The following SERGEF variants were observed in gnomAD, a reference collection of about 807,000 sequenced individuals.
SERGEF encodes the protein secretion regulating guanine nucleotide exchange factor.
SERGEF carries 51 observed loss-of-function variants against 50.0 expected under a neutral mutation model. That is an observed-to-expected ratio of 1.02 (90% CI 0.81 to 1.29). SERGEF has a LOEUF of 1.29. SERGEF is among the 50% of genes most tolerant of loss of function. The probability of loss-of-function intolerance (pLI) is 0.00; values close to 1 mark genes in which losing one functional copy is unlikely to be tolerated. For synonymous variants in SERGEF, 205 were observed against 212.4 expected, an observed-to-expected ratio of 0.97 and a Z score of 0.30; for missense variants, 521 against 557.0, an observed-to-expected ratio of 0.94 and a Z score of 0.65.
At position 18,009,119 on chromosome 11, in the gene SERGEF, G is replaced by A. The variant is rs988520804; in HGVS notation, c.61-1043C>T. Among the ~76,000 whole-genome samples the A allele has an allele frequency of 4.6e-5, 7 of 151,926 alleles. No individual in the cohort carries two copies. The South Asian group carries it at 6.2e-4, about 14-fold the overall frequency. On this transcript the variant is annotated intron_variant, in intron 1 of 10. Transcript: ENST00000265965. ...CTGAAAAGAAAAATAATAATAATTC[G>A]CTCACCAGAAGGACTCTGGAGCATT...
intron 10 of SERGEF, among the ~76,000 whole-genome samples, chr11:17,846,217 T>A (rs1850608800): frequency 6.6e-6 from 1 of 152,194 alleles, no homozygotes; most frequent in Admixed American, 6.5e-5. Context: ...GCATAATGAA[T>A]CACGGTATGT....
chr11:17,937,353 C>A (rs1213800346), intron 9 of SERGEF, among the ~76,000 whole-genome samples: 4 of 151,992 alleles, frequency 2.6e-5, no homozygotes. Flanking sequence ...CCAACATAAC[C>A]AAATTCCATC....
At chr11:18,012,809 G>A (rs1261986089) in intron 1 of SERGEF, 142 bp downstream of exon 1, 4 of 655,926 alleles carry the variant, frequency 6.1e-6, no homozygotes, top group South Asian at 3.1e-5. Context: ...CTCCCCCTCC[G>A]CTCCCAGCCC....
chr11:17,995,100 A>C (rs182896791), intron 6 of SERGEF, among the ~76,000 whole-genome samples: 179 of 152,274 alleles, frequency 1.2e-3, no homozygotes, highest in Admixed American at 0.01. Flanking sequence ...GAGAGAGAGA[A>C]AGAAAGAGAG....
At chr11:17,846,617 T>A in intron 10 of SERGEF, 1 of 444,236 alleles carries the variant, frequency 2.3e-6, no homozygotes, top group South Asian at 1.6e-5. Context: ...GGTCATCCGA[T>A]CATCAGCACT....
Position 18,013,027 on chromosome 11 carries a change from G to C in SERGEF, c.-17C>G. The C allele has an allele frequency of 7.3e-7, 1 of 1,364,986 alleles. No homozygotes were observed. Among genetic ancestry groups the C allele is most frequent in the Non-Finnish European group, 9.3e-7 (1 of 1,069,804 alleles). The allele number at this position is 1,364,986 out of a possible 1,614,324, so 84.6% of individuals were successfully genotyped here. On this transcript the variant is annotated 5_prime_UTR_variant, in exon 1 of 11. Coordinates refer to ENST00000265965, the MANE Select transcript of SERGEF (RefSeq NM_012139.4). The surrounding 1 kb of genome is among the most constrained non-coding windows in gnomAD (Gnocchi z 4.3). ...GCGCTCCATGCGAGGACGCTCCGCCGGCGCTTCCGGGAGGGACGGCACGGG... is the reference window on the plus strand; with the variant it reads ...GCGCTCCATGCGAGGACGCTCCGCCCGCGCTTCCGGGAGGGACGGCACGGG...
chr11:17,985,982 G>A (rs1375811688), intron 8 of SERGEF, among the ~76,000 whole-genome samples: 2 of 152,318 alleles, frequency 1.3e-5, no homozygotes, highest in Admixed American at 1.3e-4. Flanking sequence ...TAGTGTCTGT[G>A]CATAAACTCT....
intron 10 of SERGEF, among the ~76,000 whole-genome samples, chr11:17,840,535 T>C (rs1017358842): frequency 6.6e-5 from 10 of 152,148 alleles, no homozygotes; most frequent in African/African-American, 1.7e-4. Context: ...AAGAGTTGCT[T>C]TCAGGCAACA....
chr11:17,948,094 T>C (rs1397781377), intron 9 of SERGEF, among the ~76,000 whole-genome samples: 1 of 152,034 alleles, frequency 6.6e-6, no homozygotes, highest in Admixed American at 6.6e-5. Flanking sequence ...TCGCCATGCC[T>C]AATGTTTGTG....
At chr11:17,897,116 A>G (rs1434309517) in intron 9 of SERGEF, among the ~76,000 whole-genome samples, 2 of 152,222 alleles carry the variant, frequency 1.3e-5, no homozygotes, top group African/African-American at 4.8e-5. Flanking sequence ...TAGGAGCACA[A>G]GAAGGATGTA....
At chr11:17,921,407 A>G (rs1191609796) in intron 9 of SERGEF, among the ~76,000 whole-genome samples, 2 of 152,234 alleles carry the variant, frequency 1.3e-5, no homozygotes, top group Non-Finnish European at 2.9e-5. Flanking sequence ...GAGACTGCCC[A>G]TGTAAAATAT....
chr11:17,993,482 T>G (rs190135526), intron 6 of SERGEF, among the ~76,000 whole-genome samples: 6 of 152,266 alleles, frequency 3.9e-5, no homozygotes, highest in Admixed American at 1.3e-4. Flanking sequence ...CGCAGGCACT[T>G]AAATAACCCC....
At chr11:17,863,537 T>C (rs1308247473) in intron 10 of SERGEF, 1 of 152,272 alleles carries the variant, frequency 6.6e-6, no homozygotes, top group Non-Finnish European at 1.5e-5. Flanking sequence ...ACTTCTTCCA[T>C]AAGGATTTCC....
chr11:17,824,162 G>A (rs4757592), intron 10 of SERGEF, among the ~76,000 whole-genome samples: 130,679 of 152,006 alleles, frequency 0.86, 56,305 homozygotes, highest in East Asian at 1. Flanking sequence ...TTAGCCGGGC[G>A]TGGTGGCGGG....
chr11:17,972,490 AT>A (rs1219734292), intron 8 of SERGEF, among the ~76,000 whole-genome samples: 1 of 152,216 alleles, frequency 6.6e-6, no homozygotes, highest in Non-Finnish European at 1.5e-5. Flanking sequence ...GAAGATTTGC[AT>A]TTTTTAGCCA....
intron 10 of SERGEF, chr11:17,846,750 C>T (rs1257348967): frequency 4.4e-6 from 2 of 456,092 alleles, no homozygotes; most frequent in Admixed American, 2.3e-5. Context: ...TAATACTTAC[C>T]TTGCAGAGAT....
chr11:17,849,393 C>A (rs1850672904), intron 10 of SERGEF, among the ~76,000 whole-genome samples: 1 of 152,188 alleles, frequency 6.6e-6, no homozygotes, highest in Non-Finnish European at 1.5e-5. Context: ...TTTGCAGCAG[C>A]TCTGGTATTG....
chr11:17,854,884 A>C (rs1850787081), intron 10 of SERGEF: 1 of 152,238 alleles, frequency 6.6e-6, no homozygotes, highest in Non-Finnish European at 1.5e-5. Context: ...TCTGTCAAGC[A>C]TCAGGCACTA....
intron 10 of SERGEF, among the ~76,000 whole-genome samples, chr11:17,799,801 G>A (rs775473178): frequency 3.8e-4 from 58 of 152,324 alleles, no homozygotes; most frequent in Non-Finnish European, 6.3e-4. Context: ...AATAAATATT[G>A]TACCTACTTA....
Sources: gnomAD v4.1 joint callset for allele counts (sites outside exome capture counted in the v4.1 genomes callset) on GRCh38, gnomAD v4.1.1 for gene constraint, Gnocchi (gnomAD v3.1) non-coding constraint, MANE v1.5 for transcripts, NCBI Gene and HGNC (gene_info 2026-07-23, HGNC 2026-07-21) for gene names.